The following AMBRA1 variants were observed in gnomAD, a reference collection of about 807,000 sequenced individuals.
The protein encoded by AMBRA1 is activating molecule in BECN1-regulated autophagy protein 1.
In AMBRA1, 47 loss-of-function variants were observed where a neutral mutation model predicts 125.4. The ratio of observed to expected loss-of-function variants is 0.37; its 90% CI spans 0.30 to 0.48. The LOEUF (loss-of-function observed/expected upper bound fraction) is 0.48, where lower values mean the gene tolerates loss of function less well. AMBRA1 is among the 20% of genes least tolerant of loss of function. The pLI is 0.99. For synonymous variants in AMBRA1, 626 were observed against 655.5 expected (o/e 0.95, Z 0.69); for missense variants, 1,331 against 1,693.4 (o/e 0.79, Z 3.76).
intron 5 of AMBRA1, among the ~76,000 whole-genome samples, chr11:46,544,546 G>A (rs1224614458): frequency 1.3e-5 from 2 of 152,108 alleles, no homozygotes; most frequent in Non-Finnish European, 2.9e-5. Context: ...CTTTAATACA[G>A]ACAATATGTT....
At chr11:46,474,028 C>G (rs1317491058) in intron 11 of AMBRA1, among the ~76,000 whole-genome samples, 1 of 152,088 alleles carries the variant, frequency 6.6e-6, no homozygotes, top group East Asian at 1.9e-4. Context: ...TAGGACCTAC[C>G]TAGCACATAG....
chr11:46,494,088 G>A (rs1010370004), intron 10 of AMBRA1, 36 bp downstream of exon 10: 12 of 1,565,270 alleles, frequency 7.7e-6, no homozygotes, highest in East Asian at 4.6e-5. Flanking sequence ...AGGCTCTAAC[G>A]AAGGCTCCCT....
rs1361933091 is a variant in AMBRA1, at chr11:46,408,627, T to G, written c.3289A>C (p.Thr1097Pro). The G allele has an allele frequency of 6.2e-7, 1 of 1,609,112 alleles. No homozygotes were observed. Among genetic ancestry groups the G allele is most frequent in the Non-Finnish European group, 8.5e-7 (1 of 1,176,944 alleles). The change falls in exon 17 of 18, where the codon ACC becomes CCC. Residue 1097 changes from threonine (T) to proline (P), a missense_variant. Around this residue, in one of 4 missense-constraint regions of AMBRA1, gnomAD observed 354 missense variants for 532.7 expected, o/e 0.66. Transcript: ENST00000683756. ...TGGGTGCCCTGAGATGTCACTGAGG[T>G]GGCAGGGTTCCGGGGCTGAAGCCCA... ...AIGLQPRNPATSVTSQGTQTL... is the reference protein window; with the variant it reads ...AIGLQPRNPAPSVTSQGTQTL...
intron 11 of AMBRA1, among the ~76,000 whole-genome samples, chr11:46,487,603 T>G (rs987475943): frequency 3.9e-5 from 6 of 151,938 alleles, no homozygotes; most frequent in Non-Finnish European, 8.8e-5. Flanking sequence ...CAACAGATAG[T>G]GAAAAATGTT....
At chr11:46,473,742 G>A (rs1343963386) in intron 11 of AMBRA1, among the ~76,000 whole-genome samples, 1 of 152,100 alleles carries the variant, frequency 6.6e-6, no homozygotes, top group Non-Finnish European at 1.5e-5. Flanking sequence ...GCTCCGCCTC[G>A]CGGGTTCACA....
rs988642865 is a variant in AMBRA1 at position 46,542,641 on chromosome 11, T to C, written c.1376A>G (p.Gln459Arg). The C allele has an allele frequency of 3.8e-5, 61 of 1,614,058 alleles. No homozygotes were observed. Among genetic ancestry groups the C allele is most frequent in the Non-Finnish European group, 5.1e-5 (60 of 1,180,046 alleles). Residue 459 changes from glutamine (Q) to arginine (R), a missense_variant, in exon 7 of 18, where the codon CAG becomes CGG. Physicochemically the swap from Gln to Arg is conservative, Grantham distance 43. Transcript: ENST00000683756. This position sits in a 1 kb window ranked among gnomAD's most constrained non-coding sequence, Gnocchi z 5.9. The stretch of plus-strand genomic sequence containing the variant: ...TGTGGCTGAAGTGTACACAGATGCC[T>C]GAGAGCCACCTTCCTGCTGTCTCAG... ...SVLRQQEGGS[Q>R]ASVYTSATEG...
intron 1 of AMBRA1, among the ~76,000 whole-genome samples, chr11:46,569,768 T>C (rs897356149): frequency 7.4e-5 from 11 of 149,078 alleles, no homozygotes; most frequent in African/African-American, 2.5e-4. Flanking sequence ...CCAGCCAACA[T>C]GGCTGGTCAT....
intron 14 of AMBRA1, among the ~76,000 whole-genome samples, chr11:46,418,312 TATTA>T (rs922533398): frequency 0.057 from 48 of 840 alleles, 1 homozygote; most frequent in African/African-American, 0.11. Flanking sequence ...ATATATATTT[TATTA>T]TTTATATATA....
chr11:46,439,020 C>T (rs1439836042), intron 12 of AMBRA1, among the ~76,000 whole-genome samples: 2 of 152,230 alleles, frequency 1.3e-5, no homozygotes, highest in East Asian at 3.9e-4. Flanking sequence ...CCTGTAATCC[C>T]AGTACTACGG....
rs146529357 is a variant in AMBRA1, at chr11:46,542,341, T to A, written c.1676A>T (p.Asn559Ile). Reference sequence around the variant, plus strand: ...GCGATTCAGGTGGCCACGGGACAGGTTGGAGTTGTTCTCACTGCTGTGTGG... The same window carrying A: ...GCGATTCAGGTGGCCACGGGACAGGATGGAGTTGTTCTCACTGCTGTGTGG... ...PTPHSSENNS[N>I]LSRGHLNRCR... The change falls in exon 7 of 18, where the codon AAC becomes ATC. Residue 559 changes from asparagine (N) to isoleucine (I), a missense_variant. Around this residue, in one of 4 missense-constraint regions of AMBRA1, gnomAD observed 689 missense variants for 776.5 expected, o/e 0.89. Transcript: ENST00000683756. The surrounding 1 kb of genome is among the most constrained non-coding windows in gnomAD (Gnocchi z 5.9). 7 of 1,614,020 alleles carry A rather than the reference T, an allele frequency of 4.3e-6. No homozygotes were observed. The Admixed American group carries it at 6.7e-5, about 15-fold the overall frequency.
At chr11:46,580,730 C>A (rs1202697425) in intron 1 of AMBRA1, among the ~76,000 whole-genome samples, 1 of 152,192 alleles carries the variant, frequency 6.6e-6, no homozygotes, top group Non-Finnish European at 1.5e-5. Context: ...AACCATACTT[C>A]CCCGATTTCT....
intron 11 of AMBRA1, among the ~76,000 whole-genome samples, chr11:46,483,429 G>A (rs973060944): frequency 6.6e-6 from 1 of 152,178 alleles, no homozygotes; most frequent in Non-Finnish European, 1.5e-5. Flanking sequence ...TTGTTGATCA[G>A]CAAGTTTTAA....
At chr11:46,560,392 C>T (rs1414142136) in intron 1 of AMBRA1, among the ~76,000 whole-genome samples, 1 of 152,196 alleles carries the variant, frequency 6.6e-6, no homozygotes, top group Non-Finnish European at 1.5e-5. Flanking sequence ...AAGTGAAGCA[C>T]CAGCTTTCCT....
At chr11:46,526,548 A>T (rs927374287) in intron 7 of AMBRA1, among the ~76,000 whole-genome samples, 11 of 135,862 alleles carry the variant, frequency 8.1e-5, no homozygotes, top group African/African-American at 1.7e-4. Context: ...AATTAAAATT[A>T]AAAAAAAAAA....
At chr11:46,474,562 A>AT (rs1482244800) in intron 11 of AMBRA1, among the ~76,000 whole-genome samples, 4 of 152,066 alleles carry the variant, frequency 2.6e-5, no homozygotes, top group Non-Finnish European at 5.9e-5. Flanking sequence ...CTGACTTCGT[A>AT]TTTTTAGTAG....
rs528782067 is a variant in AMBRA1 at position 46,409,222 on chromosome 11, T to C, written c.3210-516A>G. Among the ~76,000 whole-genome samples, 16 of 152,134 alleles carry C rather than the reference T, an allele frequency of 1.1e-4. No individual in the cohort carries two copies. The South Asian group carries it at 3.3e-3, about 32-fold the overall frequency. Reference sequence around the variant, plus strand: ...AGAACTGGAACTCTTTTTTTTTTTTTGGTGAGACAGTCTCGCCCTGTCACC... The same window carrying C: ...AGAACTGGAACTCTTTTTTTTTTTTCGGTGAGACAGTCTCGCCCTGTCACC... On this transcript the variant is annotated intron_variant, in intron 16 of 17. Transcript: ENST00000683756.
In AMBRA1 at chr11:46,542,814, G is replaced by A; in HGVS notation, c.1203C>T (p.Ser401=). 4 of 1,614,064 alleles carry A rather than the reference G, an allele frequency of 2.5e-6. No individual in the cohort carries two copies. The highest frequency in any genetic ancestry group is 3.4e-6 in the Non-Finnish European group (4 of 1,180,002). The change falls in exon 7 of 18, where the codon AGC becomes AGT. Residue 401 remains serine (S), a synonymous_variant. Transcript: ENST00000683756. This position sits in a 1 kb window ranked among gnomAD's most constrained non-coding sequence, Gnocchi z 5.9. ...TTTCTCGGTGATACCTAGAAGGGTG[G>A]CTAGACAGAGGCCCTCCCAAAGAGC... ...TRRSLGGPLS[S]HPSRYHREIA...
At chr11:46,496,915 C>T (rs1461305709) in intron 9 of AMBRA1, among the ~76,000 whole-genome samples, 2 of 151,514 alleles carry the variant, frequency 1.3e-5, no homozygotes, top group Non-Finnish European at 2.9e-5. Context: ...AGTTCGAGAC[C>T]AGCCTGGTCA....
chr11:46,493,993 G>A, intron 10 of AMBRA1, 131 bp downstream of exon 10: 1 of 839,984 alleles, frequency 1.2e-6, no homozygotes, highest in Non-Finnish European at 1.9e-6. Context: ...AGTTTAGACA[G>A]CAGGGCTGGG....
Sources: allele counts gnomAD v4.1 joint callset (sites outside exome capture counted in the v4.1 genomes callset), GRCh38; gene constraint gnomAD v4.1.1; regional missense constraint gnomAD v4.1.1; non-coding constraint Gnocchi (gnomAD v3.1); transcripts MANE v1.5; gene names NCBI Gene and HGNC (gene_info 2026-07-23, HGNC 2026-07-21).